Variants in PGCKA1 observed in about 807,000 individuals in gnomAD.
The protein encoded by PGCKA1 is PDCD10 and GCKIII kinases associated 1.
the PGCKA1 span, among the ~76,000 whole-genome samples, chr4:37,530,669 C>G: frequency 6.6e-6 from 1 of 151,266 alleles, no homozygotes; most frequent in East Asian, 1.9e-4. Context: ...ACTCATCTGT[C>G]AGTCACGTTT....
the PGCKA1 span, chr4:37,460,576 G>A: frequency 2.2e-6 from 1 of 453,102 alleles, no homozygotes; most frequent in Non-Finnish European, 4.4e-6. Flanking sequence ...ATTTGCATTT[G>A]TCTAATGATC....
the PGCKA1 span, among the ~76,000 whole-genome samples, chr4:37,465,274 A>G: frequency 5.3e-5 from 8 of 151,782 alleles, no homozygotes; most frequent in Non-Finnish European, 1.0e-4. Context: ...AAACCTAAAT[A>G]CCCTTTTATT....
the PGCKA1 span, among the ~76,000 whole-genome samples, chr4:37,539,663 A>G: frequency 3.9e-5 from 6 of 152,274 alleles, no homozygotes; most frequent in South Asian, 1.2e-3. Flanking sequence ...CAAAATAAGA[A>G]TAAACATAAA....
the PGCKA1 span, among the ~76,000 whole-genome samples, chr4:37,555,317 G>A: frequency 2.6e-5 from 4 of 152,182 alleles, no homozygotes; most frequent in Admixed American, 1.3e-4. Flanking sequence ...TCTGAGAGTA[G>A]CTTCTAACAG....
chr4:37,458,279 A>G, the PGCKA1 span, among the ~76,000 whole-genome samples: 1 of 152,232 alleles, frequency 6.6e-6, no homozygotes, highest in Non-Finnish European at 1.5e-5. Context: ...TGTTAGTACT[A>G]TGAAAAACTC....
At chr4:37,523,381 T>C in the PGCKA1 span, among the ~76,000 whole-genome samples, 1 of 150,980 alleles carries the variant, frequency 6.6e-6, no homozygotes, top group Non-Finnish European at 1.5e-5. Context: ...TGTTGGTGAT[T>C]CAGGACTTTT....
chr4:37,529,739 T>C, the PGCKA1 span, among the ~76,000 whole-genome samples: 1 of 152,190 alleles, frequency 6.6e-6, no homozygotes, highest in Admixed American at 6.5e-5. Context: ...CATCGGTGTT[T>C]TCGTCTGTAG....
the PGCKA1 span, among the ~76,000 whole-genome samples, chr4:37,462,113 G>GTC: frequency 2.0e-5 from 3 of 150,636 alleles, no homozygotes; most frequent in Admixed American, 1.3e-4. Context: ...TTCAGCTTTT[G>GTC]CTAAGAGGTA....
the PGCKA1 span, among the ~76,000 whole-genome samples, chr4:37,510,097 A>G: frequency 1.3e-5 from 2 of 152,176 alleles, no homozygotes; most frequent in Non-Finnish European, 2.9e-5. Context: ...TTTATCTGAT[A>G]GAATTCTGAA....
the PGCKA1 span, among the ~76,000 whole-genome samples, chr4:37,575,700 C>T: frequency 6.6e-6 from 1 of 151,970 alleles, no homozygotes; most frequent in Non-Finnish European, 1.5e-5. Context: ...GAGACTTTCC[C>T]TTGTCTTCTT....
chr4:37,508,757 G>A, the PGCKA1 span, among the ~76,000 whole-genome samples: 8 of 103,386 alleles, frequency 7.7e-5, no homozygotes, highest in African/African-American at 3.0e-4. Context: ...TAGGACAATA[G>A]TGGAGGGAAG....
At chr4:37,526,986 A>G in the PGCKA1 span, among the ~76,000 whole-genome samples, 1 of 152,220 alleles carries the variant, frequency 6.6e-6, no homozygotes, top group Non-Finnish European at 1.5e-5. Context: ...AAACCTTCCA[A>G]TAGGACAAGA....
the PGCKA1 span, among the ~76,000 whole-genome samples, chr4:37,471,144 T>G: frequency 6.6e-6 from 1 of 152,218 alleles, no homozygotes; most frequent in African/African-American, 2.4e-5. Context: ...ATGAATTGGG[T>G]AGCACTCAGA....
the PGCKA1 span, among the ~76,000 whole-genome samples, chr4:37,537,945 G>C: frequency 6.6e-6 from 1 of 152,092 alleles, no homozygotes; most frequent in African/African-American, 2.4e-5. Flanking sequence ...TGAGTGTAAA[G>C]TATCAAACAC....
the PGCKA1 span, among the ~76,000 whole-genome samples, chr4:37,493,689 A>G: frequency 1.3e-5 from 2 of 152,138 alleles, no homozygotes; most frequent in Non-Finnish European, 2.9e-5. Context: ...TTTCATACCC[A>G]TTAACCATTC....
chr4:37,564,198 C>T, the PGCKA1 span, among the ~76,000 whole-genome samples: 37 of 148,070 alleles, frequency 2.5e-4, no homozygotes, highest in Non-Finnish European at 3.9e-4. Flanking sequence ...CACTTGGACC[C>T]GGGAGTCGGA....
chr4:37,586,487 T>G, the PGCKA1 span, among the ~76,000 whole-genome samples: 1 of 152,310 alleles, frequency 6.6e-6, no homozygotes. Flanking sequence ...GGGACTCTTC[T>G]ACATTCCATG....
the PGCKA1 span, among the ~76,000 whole-genome samples, chr4:37,474,345 C>T: frequency 6.6e-6 from 1 of 152,134 alleles, no homozygotes; most frequent in East Asian, 1.9e-4. Context: ...TCGAACTTCC[C>T]AACCCTCAGG....
the PGCKA1 span, among the ~76,000 whole-genome samples, chr4:37,484,461 C>A: frequency 6.6e-6 from 1 of 152,126 alleles, no homozygotes; most frequent in Non-Finnish European, 1.5e-5. Flanking sequence ...ATTATGGGAG[C>A]TACAATTCAA....
Sources: allele counts gnomAD v4.1 joint callset (sites outside exome capture counted in the v4.1 genomes callset), GRCh38; gene constraint gnomAD v4.1.1; transcripts MANE v1.5; gene names NCBI Gene and HGNC (gene_info 2026-07-23, HGNC 2026-07-21).